The following GPC6 variants were observed in gnomAD, a reference collection of about 807,000 sequenced individuals.
GPC6 encodes the protein glypican-6.
A neutral mutation model predicts 55.2 loss-of-function variants in GPC6; 14 were observed. The ratio of observed to expected loss-of-function variants is 0.25; its 90% CI spans 0.17 to 0.40. The LOEUF (loss-of-function observed/expected upper bound fraction) is 0.40. Ranked by LOEUF, GPC6 falls within the 10% of genes least tolerant of loss-of-function variation. The pLI, the probability that GPC6 is intolerant of heterozygous loss-of-function variation, is 1.00. For synonymous variants in GPC6, 278 were observed against 259.6 expected, an observed-to-expected ratio of 1.07 and a Z score of -0.68; for missense variants, 641 against 708.5, an observed-to-expected ratio of 0.90 and a Z score of 1.08.
At chr13:93,864,375 A>G (rs1218103755) in intron 3 of GPC6, among the ~76,000 whole-genome samples, 1 of 151,676 alleles carries the variant, frequency 6.6e-6, no homozygotes, top group Non-Finnish European at 1.5e-5. Flanking sequence ...TTAACACCAC[A>G]TCTTATACTT....
At chr13:93,624,431 A>G (rs1879106321) in intron 2 of GPC6, among the ~76,000 whole-genome samples, 3 of 152,212 alleles carry the variant, frequency 2.0e-5, no homozygotes, top group Non-Finnish European at 1.5e-5. Flanking sequence ...TATACGTCTC[A>G]ATTTCAATCT....
At chr13:93,518,995 A>G (rs1360396840) in intron 1 of GPC6, among the ~76,000 whole-genome samples, 1 of 152,034 alleles carries the variant, frequency 6.6e-6, no homozygotes, top group Non-Finnish European at 1.5e-5. Flanking sequence ...TGTATTGTGT[A>G]TGGCTGCTGT....
At chr13:93,721,255 G>A (rs1429912914) in intron 2 of GPC6, among the ~76,000 whole-genome samples, 1 of 151,630 alleles carries the variant, frequency 6.6e-6, no homozygotes, top group Non-Finnish European at 1.5e-5. Context: ...TCCTGTATTG[G>A]GTGGATAGTT....
intron 1 of GPC6, among the ~76,000 whole-genome samples, chr13:93,404,946 CA>C (rs1876232704): frequency 6.6e-6 from 1 of 152,114 alleles, no homozygotes; most frequent in Admixed American, 6.6e-5. Context: ...ATGAGAATAG[CA>C]AGGCAAAGAT....
Position 93,552,627 on chromosome 13 carries a change from A to G in GPC6, c.319+7206A>G, listed in dbSNP as rs142386937. On this transcript the variant is annotated intron_variant, in intron 2 of 8. Transcript: ENST00000377047. ...TCTAAGACCCCTACCACACACCTCAAAGTAACTTGAAATACATTATGCTCC... is the reference window on the plus strand; with the variant it reads ...TCTAAGACCCCTACCACACACCTCAGAGTAACTTGAAATACATTATGCTCC... Among the ~76,000 whole-genome samples the G allele has an allele frequency of 3.8e-3, 579 of 152,236 alleles. 5 individuals are homozygous for G. Among genetic ancestry groups the G allele is most frequent in the African/African-American group, 0.013 (553 of 41,538 alleles).
At chr13:93,589,950 G>C (rs555712876) in intron 2 of GPC6, among the ~76,000 whole-genome samples, 1 of 152,316 alleles carries the variant, frequency 6.6e-6, no homozygotes, top group East Asian at 1.9e-4. Context: ...GTATTCTTCT[G>C]TGAAATGGAA....
At chr13:93,942,988 C>G (rs747569914) in intron 3 of GPC6, among the ~76,000 whole-genome samples, 6 of 152,062 alleles carry the variant, frequency 3.9e-5, no homozygotes, top group Non-Finnish European at 7.4e-5. Context: ...AAACTCAACT[C>G]AAGCATATGG....
At chr13:93,860,656 A>AT (rs1566574286) in intron 3 of GPC6, among the ~76,000 whole-genome samples, 1 of 151,532 alleles carries the variant, frequency 6.6e-6, no homozygotes, top group South Asian at 2.1e-4. Context: ...TTGCCTTACA[A>AT]TTTTTTTCTG....
At chr13:93,529,236 A>G (rs1306129920) in intron 1 of GPC6, among the ~76,000 whole-genome samples, 1 of 152,160 alleles carries the variant, frequency 6.6e-6, no homozygotes, top group East Asian at 1.9e-4. Context: ...AAGATGGTTG[A>G]GCTGGGGTGA....
At chr13:94,028,012 C>T in intron 4 of GPC6, 118 bp downstream of exon 4, 1 of 964,802 alleles carries the variant, frequency 1.0e-6, no homozygotes, top group African/African-American at 1.6e-5. Context: ...CATCTGTAAT[C>T]CCAGCACTTT....
intron 1 of GPC6, among the ~76,000 whole-genome samples, chr13:93,354,633 G>A (rs1257466513): frequency 6.6e-6 from 1 of 151,602 alleles, no homozygotes; most frequent in Non-Finnish European, 1.5e-5. Context: ...CAAAGTGCTG[G>A]GATTATAGGC....
At chr13:93,966,230 A>G (rs61091522) in intron 3 of GPC6, among the ~76,000 whole-genome samples, 1 of 152,184 alleles carries the variant, frequency 6.6e-6, no homozygotes, top group Admixed American at 6.5e-5. Context: ...ACTCAAATCA[A>G]CTTGACATAA....
chr13:93,681,659 C>A (rs148095715), intron 2 of GPC6, among the ~76,000 whole-genome samples: 1 of 152,152 alleles, frequency 6.6e-6, no homozygotes, highest in African/African-American at 2.4e-5. Context: ...TTTATCATAG[C>A]AATTTCAATA....
Position 94,235,526 on chromosome 13 carries a change from G to A in GPC6, c.878-50823G>A, listed in dbSNP as rs116258699. Among the ~76,000 whole-genome samples, 994 of 152,198 alleles carry A rather than the reference G, an allele frequency of 6.5e-3. 16 individuals are homozygous for A. The highest frequency in any genetic ancestry group is 0.023 in the African/African-American group (945 of 41,520). On this transcript the variant is annotated intron_variant, in intron 4 of 8. Transcript: ENST00000377047. The stretch of plus-strand genomic sequence containing the variant: ...CTTGAGCCACAGGGGACATACAAAT[G>A]AGAAACACTAATTTCTATTTGCAAG...
upstream of GPC6, among the ~76,000 whole-genome samples, chr13:93,226,107 T>C (rs1875772183): frequency 6.6e-6 from 1 of 152,154 alleles, no homozygotes; most frequent in Admixed American, 6.5e-5. Context: ...GAGAATTATG[T>C]TAACTTGGAA....
At chr13:94,030,075 T>A (rs932601503) in intron 4 of GPC6, among the ~76,000 whole-genome samples, 1 of 151,220 alleles carries the variant, frequency 6.6e-6, no homozygotes, top group Non-Finnish European at 1.5e-5. Context: ...CGATCTCGGC[T>A]CACTGCAAGC....
At chr13:94,274,927 A>T (rs1170891451) in intron 4 of GPC6, among the ~76,000 whole-genome samples, 2 of 152,282 alleles carry the variant, frequency 1.3e-5, no homozygotes, top group East Asian at 3.9e-4. Flanking sequence ...AAAAGCCACC[A>T]AGGGGCCATT....
intron 2 of GPC6, among the ~76,000 whole-genome samples, chr13:93,692,107 A>G (rs1022383179): frequency 6.6e-6 from 1 of 152,108 alleles, no homozygotes; most frequent in African/African-American, 2.4e-5. Context: ...TAAAGTTGCT[A>G]AAAAGAAAAC....
intron 4 of GPC6, among the ~76,000 whole-genome samples, chr13:94,126,309 G>A (rs532625893): frequency 6.6e-6 from 1 of 152,150 alleles, no homozygotes; most frequent in African/African-American, 2.4e-5. Context: ...CTTGAGCTTA[G>A]GAGTTTGAGG....
Sources: allele counts gnomAD v4.1 joint callset (sites outside exome capture counted in the v4.1 genomes callset), GRCh38; gene constraint gnomAD v4.1.1; transcripts MANE v1.5; gene names NCBI Gene and HGNC (gene_info 2026-07-23, HGNC 2026-07-21).